The following KCNH8 variants were observed in gnomAD, a reference collection of about 807,000 sequenced individuals.
KCNH8 encodes the protein potassium voltage-gated channel subfamily H member 8, also known as voltage-gated delayed rectifier potassium channel KCNH8.
KCNH8 carries 70 observed loss-of-function variants against 103.6 expected under a neutral mutation model. That is an observed-to-expected ratio of 0.68 (90% CI 0.56 to 0.82). KCNH8 has a LOEUF of 0.82. Ranked by LOEUF, KCNH8 falls within the 40% of genes least tolerant of loss-of-function variation. The probability of loss-of-function intolerance (pLI) is 0.00; values close to 1 mark genes in which losing one functional copy is unlikely to be tolerated. For missense variants in KCNH8, 1,217 were observed against 1,329.9 expected, an observed-to-expected ratio of 0.92 and a Z score of 1.32; for synonymous variants, 498 against 489.4, an observed-to-expected ratio of 1.02 and a Z score of -0.23.
chr3:19,344,697 T>C (rs2125318232), intron 4 of KCNH8, among the ~76,000 whole-genome samples: 1 of 152,214 alleles, frequency 6.6e-6, no homozygotes, highest in South Asian at 2.1e-4. Context: ...ATGACTTGTA[T>C]AGTTTATTGA....
At chr3:19,151,687 TTAA>T (rs1370678367) in intron 1 of KCNH8, among the ~76,000 whole-genome samples, 1 of 152,108 alleles carries the variant, frequency 6.6e-6, no homozygotes, top group Non-Finnish European at 1.5e-5. Flanking sequence ...ATAATGGAAG[TTAA>T]TAATACATTT....
intron 5 of KCNH8, 29 bp from the exon 6 acceptor site, chr3:19,390,452 T>A (rs781477585): frequency 1.3e-6 from 2 of 1,565,580 alleles, no homozygotes; most frequent in African/African-American, 1.4e-5. Context: ...CTCTTCCTTT[T>A]ATTTCTCAAC....
chr3:19,464,498 C>T (rs1236402411), intron 11 of KCNH8, among the ~76,000 whole-genome samples: 1 of 151,844 alleles, frequency 6.6e-6, no homozygotes, highest in Non-Finnish European at 1.5e-5. Flanking sequence ...TTGAGGAGGA[C>T]ATGGACTGTA....
chr3:19,258,943 CTCTCTATATATA>C (rs1363945448), intron 2 of KCNH8, among the ~76,000 whole-genome samples: 341 of 53,364 alleles, frequency 6.4e-3, no homozygotes, highest in Middle Eastern at 0.019. Context: ...CTCTCTCTCT[CTCTCTATATATA>C]TATATATATA....
intron 5 of KCNH8, among the ~76,000 whole-genome samples, chr3:19,360,679 A>T (rs1231748138): frequency 6.6e-6 from 1 of 152,112 alleles, no homozygotes; most frequent in Non-Finnish European, 1.5e-5. Flanking sequence ...CATCTTAAAA[A>T]TAAAATTGAT....
intron 1 of KCNH8, among the ~76,000 whole-genome samples, chr3:19,238,859 G>T (rs151010560): frequency 1.3e-5 from 2 of 152,250 alleles, no homozygotes; most frequent in African/African-American, 4.8e-5. Flanking sequence ...CAGGAGAAGC[G>T]TATCTTACAG....
At chr3:19,229,799 C>T (rs1015166519) in intron 1 of KCNH8, among the ~76,000 whole-genome samples, 2 of 152,226 alleles carry the variant, frequency 1.3e-5, no homozygotes, top group African/African-American at 4.8e-5. Context: ...TTCCTGCCTT[C>T]TTCTGAGCCC....
intron 10 of KCNH8, among the ~76,000 whole-genome samples, chr3:19,452,164 G>C (rs1359334843): frequency 6.6e-6 from 1 of 152,040 alleles, no homozygotes; most frequent in Non-Finnish European, 1.5e-5. Flanking sequence ...CAGGTGGATT[G>C]CTTGAGCCCA....
intron 2 of KCNH8, among the ~76,000 whole-genome samples, chr3:19,255,496 A>G (rs991652946): frequency 2.6e-5 from 4 of 151,950 alleles, no homozygotes; most frequent in African/African-American, 9.7e-5. Flanking sequence ...AACTTCCAAT[A>G]TTATGTTGAA....
chr3:19,267,712 TAAAG>T (rs947901057), intron 2 of KCNH8, among the ~76,000 whole-genome samples: 11 of 152,050 alleles, frequency 7.2e-5, no homozygotes, highest in Non-Finnish European at 1.3e-4. Context: ...GAGAATCGGA[TAAAG>T]AAAGTAAGCT....
At chr3:19,349,446 T>C (rs2065770845) in intron 5 of KCNH8, among the ~76,000 whole-genome samples, 1 of 152,110 alleles carries the variant, frequency 6.6e-6, no homozygotes, top group African/African-American at 2.4e-5. Flanking sequence ...GGGCAGTCAC[T>C]CAACATGGCT....
intron 7 of KCNH8, among the ~76,000 whole-genome samples, chr3:19,420,462 G>T (rs377631931): frequency 6.6e-6 from 1 of 152,098 alleles, no homozygotes; most frequent in Non-Finnish European, 1.5e-5. Flanking sequence ...AGGGAGGGCG[G>T]TATTTCTAAT....
intron 3 of KCNH8, among the ~76,000 whole-genome samples, chr3:19,303,406 G>T (rs2065088819): frequency 6.6e-6 from 1 of 152,134 alleles, no homozygotes; most frequent in Admixed American, 6.5e-5. Context: ...ATAGATCTGA[G>T]AAACCTAAAT....
intron 11 of KCNH8, among the ~76,000 whole-genome samples, chr3:19,500,829 G>T (rs1247495276): frequency 1.3e-5 from 2 of 152,008 alleles, no homozygotes; most frequent in African/African-American, 4.8e-5. Flanking sequence ...GAGAAAGCAG[G>T]AAAGATCCAA....
At chr3:19,201,728 T>C (rs1357427225) in intron 1 of KCNH8, among the ~76,000 whole-genome samples, 1 of 152,164 alleles carries the variant, frequency 6.6e-6, no homozygotes, top group Non-Finnish European at 1.5e-5. Context: ...ATATTATCCA[T>C]TGAATTATCA....
chr3:19,152,083 A>T (rs1441536234), intron 1 of KCNH8, among the ~76,000 whole-genome samples: 1 of 152,134 alleles, frequency 6.6e-6, no homozygotes, highest in East Asian at 1.9e-4. Flanking sequence ...ACATACACAT[A>T]CACACATACA....
intron 8 of KCNH8, among the ~76,000 whole-genome samples, chr3:19,441,149 T>C (rs1340236983): frequency 6.6e-6 from 1 of 152,168 alleles, no homozygotes; most frequent in Non-Finnish European, 1.5e-5. Flanking sequence ...CCAAACTGAT[T>C]GGACCTCCTC....
chr3:19,392,242 C>T (rs951927249), intron 6 of KCNH8, among the ~76,000 whole-genome samples: 2 of 149,458 alleles, frequency 1.3e-5, no homozygotes, highest in African/African-American at 4.9e-5. Flanking sequence ...TACACTCCTG[C>T]TCTCTTTTCG....
At chr3:19,239,049 A>AATATAATTTG (rs2064101216) in intron 1 of KCNH8, among the ~76,000 whole-genome samples, 1 of 152,208 alleles carries the variant, frequency 6.6e-6, no homozygotes, top group Non-Finnish European at 1.5e-5. Context: ...AGTTATAAAG[A>AATATAATTTG]CAGGAATAAA....
Sources: allele counts gnomAD v4.1 joint callset (sites outside exome capture counted in the v4.1 genomes callset), GRCh38; gene constraint gnomAD v4.1.1; transcripts MANE v1.5; gene names NCBI Gene and HGNC (gene_info 2026-07-23, HGNC 2026-07-21).